Variants in EPC2 observed in about 807,000 individuals in gnomAD.
The protein encoded by EPC2 is enhancer of polycomb homolog 2.
Under a neutral mutation model 92.1 loss-of-function variants are expected in EPC2, and 14 were observed. The observed-to-expected ratio is 0.15, with a 90% CI of 0.10 to 0.24. EPC2 has a LOEUF of 0.24. Ranked by LOEUF, EPC2 falls within the 10% of genes least tolerant of loss-of-function variation. The pLI is 1.00. For missense variants in EPC2, 755 were observed against 971.5 expected (o/e 0.78, Z 2.96); for synonymous variants, 340 against 334.7 (o/e 1.02, Z -0.17).
At chr2:148,757,442 A>T (rs1683213887) in intron 4 of EPC2, among the ~76,000 whole-genome samples, 1 of 152,210 alleles carries the variant, frequency 6.6e-6, no homozygotes, top group African/African-American at 2.4e-5. Context: ...ATGTACATAC[A>T]TATATTACAT....
In EPC2 at chr2:148,744,989, G is replaced by GCCCCCCCCCCCCCCC. The variant is rs34269450; in HGVS notation, c.459+1234_459+1235insCCCCCCCCCCCCCCC. 2.8e-4 allele frequency among the ~76,000 whole-genome samples: 13 copies of GCCCCCCCCCCCCCCC among 46,298 alleles called. 3 individuals carry two copies. Among genetic ancestry groups the GCCCCCCCCCCCCCCC allele is most frequent in the Non-Finnish European group, 5.9e-4 (12 of 20,270 alleles). 30.4% of individuals were successfully genotyped at this position (46,298 alleles called of 152,430 possible). A position where few individuals can be genotyped will look rare whatever the true frequency, so the allele number is the denominator to read the frequency against. Reference sequence around the variant, plus strand: ...TGCTGCATATTTAGCCTATCAGTTTGCCCCCCCCCCCCGCACCATTTTGAT... The same window carrying GCCCCCCCCCCCCCCC: ...TGCTGCATATTTAGCCTATCAGTTTGCCCCCCCCCCCCCCCCCCCCCCCCCCCGCACCATTTTGAT... On this transcript the variant is annotated intron_variant, in intron 3 of 13. Transcript: ENST00000258484.
Position 148,771,132 on chromosome 2 carries a change from C to G in EPC2, c.1465C>G (p.Gln489Glu), listed in dbSNP as rs1332424082. 3 of 1,613,762 alleles carry G rather than the reference C, an allele frequency of 1.9e-6. No homozygotes were observed. In the African/African-American group the frequency reaches 4.0e-5, roughly 22 times the overall value. ...GCTGAATAGTTTTTCAAGCTCTTCCCAAACTATAGACTTTTCTTCTAATTT... is the reference window on the plus strand; with the variant it reads ...GCTGAATAGTTTTTCAAGCTCTTCCGAAACTATAGACTTTTCTTCTAATTT... ...EMLNSFSSSS[Q>E]TIDFSSNFSR... Residue 489 changes from glutamine (Q) to glutamate (E), a missense_variant, in exon 10 of 14, where the codon CAA becomes GAA. Gln to Glu is a conservative substitution (Grantham distance 29, BLOSUM62 2). Around this residue, in one of 4 missense-constraint regions of EPC2, gnomAD observed 509 missense variants for 607.7 expected, o/e 0.84. Transcript: ENST00000258484.
chr2:148,775,554 G>C (rs1189718876), intron 10 of EPC2, among the ~76,000 whole-genome samples: 1 of 142,718 alleles, frequency 7.0e-6, no homozygotes. Flanking sequence ...ATAATATACA[G>C]AATAGATACC....
At chr2:148,695,153 A>T (rs1681720409) in intron 2 of EPC2, among the ~76,000 whole-genome samples, 1 of 151,878 alleles carries the variant, frequency 6.6e-6, no homozygotes, top group Non-Finnish European at 1.5e-5. Flanking sequence ...TGGTAGCAGG[A>T]CTCTCTTTTC....
At chr2:148,731,513 C>T (rs1349553745) in intron 2 of EPC2, among the ~76,000 whole-genome samples, 3 of 152,160 alleles carry the variant, frequency 2.0e-5, no homozygotes, top group African/African-American at 2.4e-5. Flanking sequence ...AGCCATTCTC[C>T]GGTCTCAGCT....
intron 2 of EPC2, chr2:148,691,488 A>G (rs1312843808): frequency 3.0e-5 from 47 of 1,546,136 alleles, no homozygotes; most frequent in South Asian, 4.8e-5. Flanking sequence ...AAGACTGACT[A>G]TAAGATTGAC....
chr2:148,730,006 TG>T (rs1394941293), intron 2 of EPC2, among the ~76,000 whole-genome samples: 4 of 152,256 alleles, frequency 2.6e-5, no homozygotes, highest in Non-Finnish European at 1.5e-5. Context: ...ATCTTGATTA[TG>T]GCATGAACCT....
At position 148,784,973 on chromosome 2, in the gene EPC2, C is replaced by T. The variant is rs761406901; in HGVS notation, c.2323C>T (p.Pro775Ser). Residue 775 changes from proline (P) to serine (S), a missense_variant, in exon 13 of 14, where the codon CCC becomes TCC. Pro to Ser is a moderately conservative substitution (Grantham distance 74). Transcript: ENST00000258484. ...TATGGACAGAGTGCCAAAGGTTACT[C>T]CCAGCAGTGCCATCAGCAGCATAGC... is the stretch of plus-strand genomic sequence containing the variant. ...ASMDRVPKVT[P>S]SSAISSIARE... The T allele has an allele frequency of 1.6e-5, 25 of 1,526,574 alleles. No homozygotes were observed. Among genetic ancestry groups the T allele is most frequent in the Non-Finnish European group, 1.8e-5 (21 of 1,136,006 alleles). 94.6% of individuals were successfully genotyped at this position (1,526,574 alleles called of 1,614,324 possible). A position where few individuals can be genotyped will look rare whatever the true frequency, so the allele number is the denominator to read the frequency against.
At chr2:148,776,856 C>CTTTTT (rs56073706) in intron 10 of EPC2, among the ~76,000 whole-genome samples, 10 of 101,042 alleles carry the variant, frequency 9.9e-5, no homozygotes, top group East Asian at 3.4e-4. Context: ...GTCTCTCTCT[C>CTTTTT]TTTTTTTTTT....
At chr2:148,658,199 G>A (rs1445056279) in intron 1 of EPC2, among the ~76,000 whole-genome samples, 3 of 152,070 alleles carry the variant, frequency 2.0e-5, no homozygotes, top group African/African-American at 7.2e-5. Context: ...ACAGCCGGCA[G>A]CATTGTAACT....
intron 2 of EPC2, among the ~76,000 whole-genome samples, chr2:148,714,310 A>G (rs979514518): frequency 5.3e-5 from 8 of 152,038 alleles, no homozygotes; most frequent in African/African-American, 1.4e-4. Context: ...TAGCCAGTCT[A>G]TCATCGATGG....
At chr2:148,773,055 G>T (rs1448124074) in intron 10 of EPC2, among the ~76,000 whole-genome samples, 1 of 152,034 alleles carries the variant, frequency 6.6e-6, no homozygotes, top group African/African-American at 2.4e-5. Flanking sequence ...TCAGATATTT[G>T]CAGCTTTCTC....
At chr2:148,658,719 A>G (rs1188044113) in intron 1 of EPC2, among the ~76,000 whole-genome samples, 2 of 151,536 alleles carry the variant, frequency 1.3e-5, no homozygotes, top group Non-Finnish European at 2.9e-5. Flanking sequence ...TAGTGGTTCA[A>G]CTCACAGTTT....
At chr2:148,714,527 C>G (rs1225401689) in intron 2 of EPC2, among the ~76,000 whole-genome samples, 2 of 152,230 alleles carry the variant, frequency 1.3e-5, no homozygotes, top group South Asian at 2.1e-4. Context: ...ACACTCCCAC[C>G]AACAGTGTAA....
intron 1 of EPC2, among the ~76,000 whole-genome samples, chr2:148,671,108 T>C (rs1681144524): frequency 6.6e-6 from 1 of 152,228 alleles, no homozygotes; most frequent in South Asian, 2.1e-4. Flanking sequence ...CCTTATTAAG[T>C]TGCTTAGGTG....
At chr2:148,666,883 T>C (rs1002144386) in intron 1 of EPC2, among the ~76,000 whole-genome samples, 2 of 151,776 alleles carry the variant, frequency 1.3e-5, no homozygotes, top group Non-Finnish European at 2.9e-5. Context: ...TTTTTTTTTT[T>C]TCCAGGCTCA....
intron 3 of EPC2, among the ~76,000 whole-genome samples, chr2:148,746,892 T>C (rs537397093): frequency 2.6e-5 from 4 of 152,074 alleles, no homozygotes; most frequent in African/African-American, 9.6e-5. Flanking sequence ...TAACAATACA[T>C]GAGTCTTGGT....
intron 4 of EPC2, among the ~76,000 whole-genome samples, chr2:148,760,511 C>T (rs1438492051): frequency 3.3e-5 from 5 of 152,152 alleles, no homozygotes; most frequent in Non-Finnish European, 7.3e-5. Flanking sequence ...CAATACCCTG[C>T]ACAGTGTAGG....
At chr2:148,782,489 A>G (rs1683772992) in intron 11 of EPC2, among the ~76,000 whole-genome samples, 1 of 149,990 alleles carries the variant, frequency 6.7e-6, no homozygotes, top group Non-Finnish European at 1.5e-5. Context: ...GTGAGCTAAG[A>G]TCGCACCACT....
Sources: allele counts gnomAD v4.1 joint callset (sites outside exome capture counted in the v4.1 genomes callset), GRCh38; gene constraint gnomAD v4.1.1; regional missense constraint gnomAD v4.1.1; transcripts MANE v1.5; gene names NCBI Gene and HGNC (gene_info 2026-07-23, HGNC 2026-07-21).